Variants in KLC2 observed in about 807,000 individuals in gnomAD.
KLC2 encodes kinesin light chain 2, also known as KLC 2.
In KLC2, 35 loss-of-function variants were observed where a neutral mutation model predicts 75.1. The ratio of observed to expected loss-of-function variants is 0.47; its 90% CI spans 0.36 to 0.62. The LOEUF (loss-of-function observed/expected upper bound fraction) is 0.62. Ranked by LOEUF, KLC2 falls within the 20% of genes least tolerant of loss-of-function variation. The pLI is 0.00. For synonymous variants in KLC2, 314 were observed against 336.7 expected, an observed-to-expected ratio of 0.93 and a Z score of 0.74; for missense variants, 611 against 833.2, an observed-to-expected ratio of 0.73 and a Z score of 3.28.
Position 66,267,237 on chromosome 11 carries a change from T to G in KLC2, c.*281T>G, listed in dbSNP as rs1412513062. 3.4e-6 allele frequency: 5 copies of G among 1,486,458 alleles called. No individual in the cohort carries two copies. The highest frequency in any genetic ancestry group is 4.6e-6 in the Non-Finnish European group (5 of 1,088,538). 92.1% of individuals were successfully genotyped at this position (1,486,458 alleles called of 1,614,324 possible). On this transcript the variant is annotated 3_prime_UTR_variant, in exon 16 of 16. Coordinates refer to ENST00000394067, the MANE Select transcript of KLC2 (RefSeq NM_001318734.2). ...GCTGGAGTCTCCACCATAGACTCAGTGGCCTGGCCTCCCCAGACCCCAGAG... is the reference window on the plus strand; with the variant it reads ...GCTGGAGTCTCCACCATAGACTCAGGGGCCTGGCCTCCCCAGACCCCAGAG...
the KLC2 span, among the ~76,000 whole-genome samples, chr11:66,248,616 CAAAT>C: frequency 7.2e-5 from 11 of 152,166 alleles, no homozygotes; most frequent in South Asian, 2.1e-4. Context: ...GACTCTTTCT[CAAAT>C]AAATAAATAA....
Position 66,261,759 on chromosome 11 carries a change from G to A in KLC2, c.246G>A (p.Ser82=), listed in dbSNP as rs1856442205. Residue 82 remains serine, a synonymous_variant, in exon 3 of 16, where the codon TCG becomes TCA. Transcript: ENST00000394067. ...TTGCACAGGTGATCTTGGCATTGTC[G>A]AGCCACCTGGGGGCTGTAGAATCAG... The part of the protein sequence containing the change: ...LGEAQVILAL[S]SHLGAVESEK... 1.2e-6 allele frequency: 2 copies of A among 1,611,756 alleles called. No individual in the cohort carries two copies. Among genetic ancestry groups the A allele is most frequent in the East Asian group, 2.2e-5 (1 of 44,866 alleles).
At chr11:66,264,931 T>TGA in intron 9 of KLC2, 92 bp from the exon 10 acceptor site, 2 of 1,201,478 alleles carry the variant, frequency 1.7e-6, no homozygotes, top group East Asian at 4.7e-5. Context: ...AGCCCAACCG[T>TGA]GGTCTCCCCT....
At chr11:66,255,591 T>C (rs138792748), upstream of KLC2, among the ~76,000 whole-genome samples, 40 of 152,086 alleles carry the variant, frequency 2.6e-4, no homozygotes, top group Non-Finnish European at 4.6e-4. Context: ...TGGAGGAAAA[T>C]TGACCAGCTG....
upstream of KLC2, among the ~76,000 whole-genome samples, chr11:66,252,762 G>A (rs571297442): frequency 9.2e-5 from 14 of 152,238 alleles, no homozygotes; most frequent in South Asian, 2.3e-3. Flanking sequence ...GGGCAGGACC[G>A]GTCTACCCTG....
chr11:66,250,028 C>G, the KLC2 span, among the ~76,000 whole-genome samples: 1 of 152,038 alleles, frequency 6.6e-6, no homozygotes, highest in Admixed American at 6.6e-5. Flanking sequence ...AGTTGCTTTC[C>G]CCCTGCCATG....
At position 66,265,885 on chromosome 11, in the gene KLC2, T is replaced by C; in HGVS notation, c.1475T>C (p.Val492Ala). 6.3e-7 allele frequency: 1 copy of C among 1,578,000 alleles called. No homozygotes were observed. The highest frequency in any genetic ancestry group is 8.6e-7 in the Non-Finnish European group (1 of 1,158,858). ...GLDPASQTKV[V>A]ELLKDGSGRR... ...GACCCCGCAAGCCAGACCAAGGTGG[T>C]AGAACTGCTGAAAGATGGCAGTGGC... The change falls in exon 13 of 16, where the codon GTA becomes GCA. Residue 492 changes from valine to alanine, a missense_variant. Val to Ala is a moderately conservative substitution (Grantham distance 64). Coordinates refer to ENST00000394067, the MANE Select transcript of KLC2 (RefSeq NM_001318734.2).
rs769052713 is a variant in KLC2 at position 66,261,978 on chromosome 11, C to T, written c.459+6C>T. 3.1e-6 allele frequency: 5 copies of T among 1,611,084 alleles called. No homozygotes were observed. The highest frequency in any genetic ancestry group is 4.2e-6 in the Non-Finnish European group (5 of 1,177,418). On this transcript the variant is annotated splice_donor_region_variant and intron_variant, in intron 3 of 15. Transcript: ENST00000394067. ...ATGAAGACGCCTCCCCTAACGTGAG[C>T]TCCTACCATGGTCACTGTTGCCCAG...
rs770080117 is a variant in KLC2, at chr11:66,261,972, C to A, written c.459C>A (p.Asn153Lys). 7 of 1,612,650 alleles carry A rather than the reference C, an allele frequency of 4.3e-6. No individual in the cohort carries two copies. Among genetic ancestry groups the A allele is most frequent in the Non-Finnish European group, 5.9e-6 (7 of 1,178,754 alleles). Residue 153 changes from asparagine to lysine, a missense_variant and splice_region_variant, in exon 3 of 16, where the codon AAC (asparagine) becomes AAA (lysine). Asn to Lys is a moderately conservative substitution (Grantham distance 94). Coordinates refer to ENST00000394067, the MANE Select transcript of KLC2 (RefSeq NM_001318734.2). ...AGTTGGATGAAGACGCCTCCCCTAA[C>A]GTGAGCTCCTACCATGGTCACTGTT... ...IRKLDEDASP[N>K]EEKGDVPKDT...
intron 4 of KLC2, 32 bp from the exon 5 acceptor site, chr11:66,262,782 G>A (rs1272888049): frequency 7.2e-6 from 11 of 1,524,242 alleles, no homozygotes; most frequent in Non-Finnish European, 9.9e-6. Context: ...TGGGCAGATG[G>A]TACATCTGAC....
At chr11:66,265,394 C>A in intron 11 of KLC2, 159 bp downstream of exon 11, 1 of 725,552 alleles carries the variant, frequency 1.4e-6, no homozygotes, top group South Asian at 1.9e-5. Flanking sequence ...AATTCTCAGC[C>A]TAATTCTCTG....
intron 4 of KLC2, chr11:66,262,556 C>G: frequency 1.8e-6 from 1 of 569,408 alleles, no homozygotes; most frequent in South Asian, 2.2e-5. Context: ...ATCGGGGCCT[C>G]CACTCTGTAC....
In KLC2 at chr11:66,267,672, G is replaced by A. The variant is rs1355647210; in HGVS notation, c.*716G>A. ...TGCCCCTCCCACCCGGCCCCGCCCA[G>A]GCACGGCCGACCCCGCCCCGGGCAC... On this transcript the variant is annotated 3_prime_UTR_variant, in exon 16 of 16. Transcript: ENST00000394067. 7.8e-6 allele frequency: 3 copies of A among 383,252 alleles called. No homozygotes were observed. Among genetic ancestry groups the A allele is most frequent in the African/African-American group, 4.4e-5 (2 of 45,678 alleles). 23.7% of individuals were successfully genotyped at this position (383,252 alleles called of 1,614,324 possible).
chr11:66,245,664 C>T, the KLC2 span, among the ~76,000 whole-genome samples: 86 of 149,734 alleles, frequency 5.7e-4, 1 homozygote, highest in African/African-American at 2.0e-3. Context: ...TGCAGTGAGC[C>T]GAGATCGCGC....
intron 9 of KLC2, chr11:66,264,754 C>T (rs1035147583): frequency 1.7e-5 from 10 of 584,542 alleles, no homozygotes; most frequent in South Asian, 1.4e-4. Context: ...CCTCTGGCCC[C>T]GGATGGTCAG....
In KLC2 at chr11:66,267,199, G is replaced by T; in HGVS notation, c.*243G>T. 1 of 1,549,290 alleles carries T rather than the reference G, an allele frequency of 6.5e-7. No homozygotes were observed. Among genetic ancestry groups the T allele is most frequent in the Non-Finnish European group, 8.7e-7 (1 of 1,145,972 alleles). On this transcript the variant is annotated 3_prime_UTR_variant, in exon 16 of 16. Coordinates refer to ENST00000394067, the MANE Select transcript of KLC2 (RefSeq NM_001318734.2). ...GGCCCTCTTCCCTAGGTTCGGGCCAGCAGGAGGTGCCGGCTGGAGTCTCCA... is the reference window on the plus strand; with the variant it reads ...GGCCCTCTTCCCTAGGTTCGGGCCATCAGGAGGTGCCGGCTGGAGTCTCCA...
At chr11:66,255,839 C>T (rs1411747673), upstream of KLC2, among the ~76,000 whole-genome samples, 3 of 150,614 alleles carry the variant, frequency 2.0e-5, no homozygotes, top group African/African-American at 7.4e-5. Context: ...CATCTCAGCT[C>T]ACTGCAACCT....
At chr11:66,248,558 A>G in the KLC2 span, among the ~76,000 whole-genome samples, 4 of 152,220 alleles carry the variant, frequency 2.6e-5, no homozygotes, top group African/African-American at 9.6e-5. Context: ...CGTAGGTTGC[A>G]GTGAGCCAAG....
upstream of KLC2, among the ~76,000 whole-genome samples, chr11:66,254,839 C>T (rs1303034318): frequency 6.6e-6 from 1 of 151,656 alleles, no homozygotes; most frequent in East Asian, 1.9e-4. Flanking sequence ...GCAGAAGAAT[C>T]GCTTGAACCC....
Sources: allele counts gnomAD v4.1 joint callset (sites outside exome capture counted in the v4.1 genomes callset), GRCh38; gene constraint gnomAD v4.1.1; transcripts MANE v1.5; gene names NCBI Gene and HGNC (gene_info 2026-07-23, HGNC 2026-07-21).